The following ATF1 variants were observed in gnomAD, a reference collection of about 807,000 sequenced individuals.
The protein encoded by ATF1 is cyclic AMP-dependent transcription factor ATF-1.
Under a neutral mutation model 34.7 loss-of-function variants are expected in ATF1, and 16 were observed. That is an observed-to-expected ratio of 0.46 (90% CI 0.31 to 0.70). The LOEUF is 0.70. Ranked by LOEUF, ATF1 falls within the 30% of genes least tolerant of loss-of-function variation. ATF1 has a pLI of 0.05. For synonymous variants in ATF1, 105 were observed against 113.1 expected, an observed-to-expected ratio of 0.93 and a Z score of 0.46; for missense variants, 255 against 321.6, an observed-to-expected ratio of 0.79 and a Z score of 1.58.
intron 2 of ATF1, among the ~76,000 whole-genome samples, chr12:50,783,846 G>A (rs1372122577): frequency 1.4e-5 from 2 of 139,560 alleles, no homozygotes; most frequent in African/African-American, 5.4e-5. Flanking sequence ...CAGACTGGGC[G>A]ACAGCGCAAA....
chr12:50,808,795 A>G (rs992798126), intron 3 of ATF1, among the ~76,000 whole-genome samples: 3 of 150,444 alleles, frequency 2.0e-5, no homozygotes, highest in African/African-American at 7.4e-5. Flanking sequence ...GCTGGAGTGC[A>G]GTGGCGCGAC....
intron 1 of ATF1, among the ~76,000 whole-genome samples, chr12:50,772,318 C>CTTTTTTTTTTTTTTTTTT (rs71086475): frequency 2.6e-5 from 3 of 116,030 alleles, no homozygotes; most frequent in African/African-American, 3.0e-5. Flanking sequence ...TGCTCCATTC[C>CTTTTTTTTTTTTTTTTTT]TTTTTTTTTT....
chr12:50,787,470 C>G (rs137885448), intron 2 of ATF1, among the ~76,000 whole-genome samples: 3 of 152,056 alleles, frequency 2.0e-5, no homozygotes, highest in Non-Finnish European at 2.9e-5. Context: ...TGGTGGCTCA[C>G]GCCTGTAATC....
chr12:50,792,383 A>G (rs921020115), intron 2 of ATF1, among the ~76,000 whole-genome samples: 6 of 152,170 alleles, frequency 3.9e-5, no homozygotes, highest in African/African-American at 1.2e-4. Context: ...TTGTTAATTG[A>G]ATTTGTATTT....
intron 3 of ATF1, among the ~76,000 whole-genome samples, chr12:50,807,656 A>C (rs10783390): frequency 0.91 from 138,908 of 152,078 alleles, 63,845 homozygotes; most frequent in Non-Finnish European, 0.96. Flanking sequence ...TTTGTGGATT[A>C]TTTTTTGTTG....
intron 3 of ATF1, among the ~76,000 whole-genome samples, chr12:50,807,435 C>A (rs932415707): frequency 2.0e-5 from 3 of 151,944 alleles, no homozygotes; most frequent in African/African-American, 4.8e-5. Context: ...AAATAAATTT[C>A]TTTAGTTTCA....
chr12:50,772,545 C>G (rs1330077066), intron 1 of ATF1, among the ~76,000 whole-genome samples: 1 of 151,976 alleles, frequency 6.6e-6, no homozygotes, highest in Non-Finnish European at 1.5e-5. Flanking sequence ...AGGTTGGTCT[C>G]GAACTCCTGA....
Position 50,796,021 on chromosome 12 carries a change from C to G in ATF1, c.194+12C>G, listed in dbSNP as rs201939021. On this transcript the variant is annotated intron_variant, in intron 3 of 6. Transcript: ENST00000262053. The stretch of plus-strand genomic sequence containing the variant: ...CGCCCATCTTACAGGTGAGTACTCT[C>G]TTGTATGAAGCCCTGCATGTTATGA... 3.2e-6 allele frequency: 5 copies of G among 1,581,710 alleles called. No individual in the cohort carries two copies. The highest frequency in any genetic ancestry group is 3.4e-6 in the Non-Finnish European group (4 of 1,161,152).
rs185253673 is a variant in ATF1 at position 50,765,076 on chromosome 12, A to G, written c.-7+769A>G. Among the ~76,000 whole-genome samples the G allele has an allele frequency of 1.6e-3, 237 of 152,276 alleles. 2 individuals carry two copies. Among genetic ancestry groups the G allele is most frequent in the African/African-American group, 3.2e-3 (133 of 41,554 alleles). On this transcript the variant is annotated intron_variant, in intron 1 of 6. Transcript: ENST00000262053. ...GCTGAATCGCTTTGAAATGATTGCA[A>G]TGTGAAATAATGTCTGGTTGTGGCG...
At chr12:50,772,694 CTT>C (rs1336809634) in intron 1 of ATF1, among the ~76,000 whole-genome samples, 2 of 142,790 alleles carry the variant, frequency 1.4e-5, no homozygotes, top group Non-Finnish European at 3.1e-5. Context: ...CTCTCTCTCT[CTT>C]TTATTTTAAG....
In ATF1 at chr12:50,796,024, G is replaced by A. The variant is rs1367245632; in HGVS notation, c.194+15G>A. 6.4e-7 allele frequency: 1 copy of A among 1,574,684 alleles called. No individual in the cohort carries two copies. Among genetic ancestry groups the A allele is most frequent in the Non-Finnish European group, 8.6e-7 (1 of 1,156,296 alleles). ...CCATCTTACAGGTGAGTACTCTCTT[G>A]TATGAAGCCCTGCATGTTATGATAG... On this transcript the variant is annotated intron_variant, in intron 3 of 6. Coordinates refer to ENST00000262053, the MANE Select transcript of ATF1 (RefSeq NM_005171.5).
intron 6 of ATF1, among the ~76,000 whole-genome samples, chr12:50,816,865 TAAAAC>T (rs1380811294): frequency 6.6e-6 from 1 of 151,478 alleles, no homozygotes. Context: ...GTCTCAAAAA[TAAAAC>T]AAACAAAAAA....
upstream of ATF1, chr12:50,764,029 A>G (rs1940558032): frequency 2.6e-5 from 4 of 151,988 alleles, no homozygotes; most frequent in Admixed American, 6.5e-5. Context: ...AACGCACACT[A>G]GTGCTCAGTT....
intron 3 of ATF1, among the ~76,000 whole-genome samples, chr12:50,803,784 T>G (rs1439088015): frequency 6.6e-6 from 1 of 152,200 alleles, no homozygotes; most frequent in Non-Finnish European, 1.5e-5. Flanking sequence ...AGCAATGAAG[T>G]GCTAATACAT....
At chr12:50,794,205 C>T (rs1941364584) in intron 2 of ATF1, among the ~76,000 whole-genome samples, 2 of 151,836 alleles carry the variant, frequency 1.3e-5, no homozygotes, top group South Asian at 2.1e-4. Context: ...CCACCTCGGC[C>T]TCCCAAAGTG....
In ATF1 at chr12:50,819,917, G is replaced by A. The variant is rs953659449; in HGVS notation, c.*138G>A. The A allele has an allele frequency of 2.0e-5, 14 of 706,018 alleles. No homozygotes were observed. The highest frequency in any genetic ancestry group is 3.7e-5 in the African/African-American group (2 of 53,564). The allele number at this position is 706,018 out of a possible 1,614,324, so 43.7% of individuals were successfully genotyped here. A position where few individuals can be genotyped will look rare whatever the true frequency, so the allele number is the denominator to read the frequency against. On this transcript the variant is annotated 3_prime_UTR_variant, in exon 7 of 7. Transcript: ENST00000262053. The stretch of plus-strand genomic sequence containing the variant: ...AATCAAGGATAAATATCTTACGCAC[G>A]ATATCTAGTGACAGAGGAGAAAGTG...
chr12:50,792,921 A>G (rs1290783840), intron 2 of ATF1, among the ~76,000 whole-genome samples: 1 of 152,142 alleles, frequency 6.6e-6, no homozygotes, highest in Non-Finnish European at 1.5e-5. Flanking sequence ...ATCTACCTTC[A>G]TATTAACACC....
chr12:50,782,041 A>T (rs1941074464), intron 2 of ATF1, among the ~76,000 whole-genome samples: 2 of 152,156 alleles, frequency 1.3e-5, no homozygotes, highest in Non-Finnish European at 2.9e-5. Context: ...CCTTTAAGAA[A>T]CTATAACTTG....
In ATF1 at chr12:50,780,137, T is replaced by C; in HGVS notation, c.-6-3T>C. On this transcript the variant is annotated splice_polypyrimidine_tract_variant and splice_region_variant and intron_variant, in intron 1 of 6. Transcript: ENST00000262053. ...TTTTAACGGACTTTTTTCCCCCTTA[T>C]AGTTGATTATGGAAGATTCCCACAA... 1 of 1,601,138 alleles carries C rather than the reference T, an allele frequency of 6.2e-7. No individual in the cohort carries two copies. Among genetic ancestry groups the C allele is most frequent in the Non-Finnish European group, 8.6e-7 (1 of 1,168,706 alleles).
Sources: gnomAD v4.1 joint callset for allele counts (sites outside exome capture counted in the v4.1 genomes callset) on GRCh38, gnomAD v4.1.1 for gene constraint, MANE v1.5 for transcripts, NCBI Gene and HGNC (gene_info 2026-07-23, HGNC 2026-07-21) for gene names.